PPP2R2B: variants seen among roughly 807,000 people sequenced by gnomAD.
The protein encoded by PPP2R2B is serine/threonine-protein phosphatase 2A 55 kDa regulatory subunit B beta isoform.
A neutral mutation model predicts 46.0 loss-of-function variants in PPP2R2B; 5 were observed. The ratio of observed to expected loss-of-function variants is 0.11; its 90% CI spans 0.06 to 0.23. PPP2R2B has a LOEUF of 0.23. PPP2R2B is among the 10% of genes least tolerant of loss of function. The pLI, the probability that PPP2R2B is intolerant of heterozygous loss-of-function variation, is 1.00. For missense variants in PPP2R2B, 367 were observed against 575.0 expected, an observed-to-expected ratio of 0.64 and a Z score of 3.70; for synonymous variants, 215 against 206.7, an observed-to-expected ratio of 1.04 and a Z score of -0.34.
At chr5:146,968,848 T>G (rs1752548573) in intron 1 of PPP2R2B, among the ~76,000 whole-genome samples, 1 of 152,248 alleles carries the variant, frequency 6.6e-6, no homozygotes, top group Non-Finnish European at 1.5e-5. Flanking sequence ...GTATATCATC[T>G]CAAAAGTATA....
At chr5:146,817,040 G>A (rs575008375) in intron 2 of PPP2R2B, among the ~76,000 whole-genome samples, 75 of 152,274 alleles carry the variant, frequency 4.9e-4, no homozygotes, top group Admixed American at 5.9e-4. Context: ...TGTGATGAGC[G>A]TTGCTCTTGA....
chr5:146,870,106 C>T (rs937244700), intron 2 of PPP2R2B, among the ~76,000 whole-genome samples: 10 of 152,172 alleles, frequency 6.6e-5, no homozygotes, highest in South Asian at 2.1e-4. Context: ...GATCCTTCTA[C>T]GTCAAGTGGA....
intron 1 of PPP2R2B, among the ~76,000 whole-genome samples, chr5:146,900,649 C>T (rs1762804712): frequency 6.8e-6 from 1 of 146,194 alleles, no homozygotes; most frequent in African/African-American, 2.5e-5. Context: ...AAGCTCCGGG[C>T]TACAGGATGT....
rs114859668 is a variant in PPP2R2B at position 147,071,478 on chromosome 5, T to A, written c.50+9581A>T. Among the ~76,000 whole-genome samples the A allele has an allele frequency of 3.2e-3, 486 of 152,230 alleles. 1 individual carries two copies. Among genetic ancestry groups the A allele is most frequent in the African/African-American group, 0.011 (461 of 41,536 alleles). On this transcript the variant is annotated intron_variant, in intron 2 of 10. Coordinates refer to the PPP2R2B transcript ENST00000394413. ...TCTTGCATCTGTCTGCCATCATCTG[T>A]CTCCATCTTTCACAACTTCCTCCTT...
At chr5:146,890,134 C>T (rs1454657803) in intron 1 of PPP2R2B, among the ~76,000 whole-genome samples, 1 of 152,216 alleles carries the variant, frequency 6.6e-6, no homozygotes, top group African/African-American at 2.4e-5. Flanking sequence ...TGGCTTAACT[C>T]TCCAGTATGT....
At chr5:146,958,687 C>A (rs1469437360) in intron 1 of PPP2R2B, among the ~76,000 whole-genome samples, 2 of 152,048 alleles carry the variant, frequency 1.3e-5, no homozygotes, top group African/African-American at 4.8e-5. Context: ...ATACTAGAGC[C>A]AGGATATAAA....
At chr5:146,812,724 T>TTATA (rs764543835) in intron 2 of PPP2R2B, among the ~76,000 whole-genome samples, 7 of 15,078 alleles carry the variant, frequency 4.6e-4, no homozygotes, top group African/African-American at 1.8e-3. Context: ...TAGAGTTACT[T>TTATA]TATATATATA....
At chr5:146,823,809 T>C (rs1443594366) in intron 2 of PPP2R2B, among the ~76,000 whole-genome samples, 1 of 152,160 alleles carries the variant, frequency 6.6e-6, no homozygotes, top group African/African-American at 2.4e-5. Flanking sequence ...TTAACAGTGA[T>C]TTTTGCAAAA....
intron 2 of PPP2R2B, among the ~76,000 whole-genome samples, chr5:146,719,680 C>T (rs1419389585): frequency 6.6e-6 from 1 of 152,028 alleles, no homozygotes; most frequent in Non-Finnish European, 1.5e-5. Context: ...ACCAAATAGC[C>T]CAGAGGATAC....
At chr5:147,028,048 G>A (rs1253638013) in intron 1 of PPP2R2B, among the ~76,000 whole-genome samples, 1 of 152,092 alleles carries the variant, frequency 6.6e-6, no homozygotes, top group Non-Finnish European at 1.5e-5. Context: ...AGCTTTCCAT[G>A]CTCTCTGACT....
chr5:146,878,888 C>A (rs1044597801), upstream of PPP2R2B: 18 of 1,150,582 alleles, frequency 1.6e-5, no homozygotes, highest in Non-Finnish European at 2.0e-5. The surrounding 1 kb of genome is among the most constrained non-coding windows in gnomAD (Gnocchi z 4.5). Flanking sequence ...TGCAGTGGGG[C>A]GCATGCAGCC....
intron 1 of PPP2R2B, among the ~76,000 whole-genome samples, chr5:147,008,250 T>G (rs896953530): frequency 4.6e-5 from 7 of 152,152 alleles, no homozygotes; most frequent in African/African-American, 1.7e-4. Flanking sequence ...TGCTCCCAAC[T>G]TATGGACTTT....
At chr5:146,819,521 G>C (rs962396133) in intron 2 of PPP2R2B, among the ~76,000 whole-genome samples, 2 of 152,076 alleles carry the variant, frequency 1.3e-5, no homozygotes, top group African/African-American at 4.8e-5. Flanking sequence ...CCTAACAAAA[G>C]AATAAGGAAG....
chr5:146,870,617 C>T (rs1040660723), intron 2 of PPP2R2B, among the ~76,000 whole-genome samples: 1 of 152,170 alleles, frequency 6.6e-6, no homozygotes, highest in African/African-American at 2.4e-5. Flanking sequence ...CTGACTAATA[C>T]ACCAAGCACA....
intron 6 of PPP2R2B, among the ~76,000 whole-genome samples, chr5:146,644,583 T>C (rs1256203753): frequency 6.6e-6 from 1 of 152,192 alleles, no homozygotes; most frequent in African/African-American, 2.4e-5. Context: ...AAGTTTGAGA[T>C]AATATTGTGA....
rs146821815 is a variant in PPP2R2B at position 146,826,826 on chromosome 5, C to T, written c.70+51176G>A. Among the ~76,000 whole-genome samples, 585 of 152,202 alleles carry T rather than the reference C, an allele frequency of 3.8e-3. 3 individuals carry two copies. The highest frequency in any genetic ancestry group is 0.013 in the African/African-American group (557 of 41,546). Reference sequence around the variant, plus strand: ...CTTACAGTAATTTAATCTTTCTCTGCATACATATCACTTCTGCCTACACCA... The same window carrying T: ...CTTACAGTAATTTAATCTTTCTCTGTATACATATCACTTCTGCCTACACCA... On this transcript the variant is annotated intron_variant, in intron 2 of 9. Coordinates refer to ENST00000394411, the MANE Select transcript of PPP2R2B (RefSeq NM_181675.4).
Position 146,589,900 on chromosome 5 carries a change from T to C in PPP2R2B, c.*47A>G. 1 of 1,556,580 alleles carries C rather than the reference T, an allele frequency of 6.4e-7. No individual in the cohort carries two copies. Among genetic ancestry groups the C allele is most frequent in the Middle Eastern group, 1.7e-4 (1 of 5,864 alleles). On this transcript the variant is annotated 3_prime_UTR_variant, in exon 10 of 10. Coordinates refer to ENST00000394411, the MANE Select transcript of PPP2R2B (RefSeq NM_181675.4). The stretch of plus-strand genomic sequence containing the variant: ...CCCAAAGAAACATTTAAAAACTTGT[T>C]TGACTAGTATTCAGTATGTGAGATT...
intron 1 of PPP2R2B, among the ~76,000 whole-genome samples, chr5:147,044,746 C>T (rs962633024): frequency 1.3e-5 from 2 of 152,156 alleles, no homozygotes; most frequent in Admixed American, 6.6e-5. Flanking sequence ...GTCAACTCCC[C>T]TGAGAGGGCT....
In PPP2R2B at chr5:146,975,173, C is replaced by A. The variant is rs114574522; in HGVS notation, c.79+80492G>T. On this transcript the variant is annotated intron_variant, in intron 1 of 8. Transcript: ENST00000336640. ...ACTAAACAACTCTCCATTGCACCGA[C>A]CCCCAGCCCCTGGTGAGCACTACTC... Among the ~76,000 whole-genome samples the A allele has an allele frequency of 7.0e-3, 1,066 of 152,246 alleles. 11 individuals carry two copies. Among genetic ancestry groups the A allele is most frequent in the African/African-American group, 0.024 (1,013 of 41,554 alleles).
Sources: gnomAD v4.1 joint callset for allele counts (sites outside exome capture counted in the v4.1 genomes callset) on GRCh38, gnomAD v4.1.1 for gene constraint, Gnocchi (gnomAD v3.1) non-coding constraint, MANE v1.5 for transcripts, NCBI Gene and HGNC (gene_info 2026-07-23, HGNC 2026-07-21) for gene names.